HTR2C: variants seen among roughly 807,000 people sequenced by gnomAD.
HTR2C encodes 5-hydroxytryptamine (serotonin) receptor 2C, G protein-coupled.
HTR2C carries 5 observed loss-of-function variants against 21.0 expected under a neutral mutation model. The ratio of observed to expected loss-of-function variants is 0.24; its 90% confidence interval spans 0.12 to 0.50. The LOEUF is 0.50. Among genes scored for constraint, HTR2C ranks in the 20% least tolerant of loss-of-function variants. The pLI, the probability that HTR2C is intolerant of heterozygous loss-of-function variation, is 0.98. For missense variants in HTR2C, 271 were observed against 371.2 expected, an observed-to-expected ratio of 0.73 and a Z score of 2.22; for synonymous variants, 150 against 145.3, an observed-to-expected ratio of 1.03 and a Z score of -0.23.
intron 5 of HTR2C, among the ~76,000 whole-genome samples, chrX:114,876,387 C>T (rs1395319737): frequency 1.1e-5 from 1 of 95,124 alleles, no homozygotes; most frequent in Non-Finnish European, 2.1e-5. Flanking sequence ...ATTTGGATGC[C>T]GGTTATTTCT....
At chrX:114,674,481 C>T (rs181536689) in intron 2 of HTR2C, among the ~76,000 whole-genome samples, 111 of 111,373 alleles carry the variant, frequency 1.0e-3, no homozygotes, top group African/African-American at 3.1e-3. Context: ...AATGTGTCTT[C>T]TGGCGCCCCT....
chrX:114,638,842 A>G (rs1334266885), intron 2 of HTR2C, among the ~76,000 whole-genome samples: 1 of 107,581 alleles, frequency 9.3e-6, no homozygotes, highest in Non-Finnish European at 1.9e-5. Flanking sequence ...ATGTCCCTAC[A>G]AAGGACATGA....
chrX:114,863,980 A>C (rs1040932714), intron 5 of HTR2C, among the ~76,000 whole-genome samples: 1 of 110,856 alleles, frequency 9.0e-6, no homozygotes, highest in Non-Finnish European at 1.9e-5. Flanking sequence ...GTACATTTGC[A>C]TGGAATATCG....
intron 4 of HTR2C, among the ~76,000 whole-genome samples, chrX:114,833,799 T>A (rs2070753186): frequency 9.0e-6 from 1 of 111,212 alleles, no homozygotes; most frequent in African/African-American, 3.3e-5. Context: ...TGTTAGGGTG[T>A]CAATTTTGGA....
At chrX:114,829,480 T>C (rs1304824202) in intron 4 of HTR2C, among the ~76,000 whole-genome samples, 3 of 83,824 alleles carry the variant, frequency 3.6e-5, no homozygotes, top group African/African-American at 1.2e-4. Context: ...AAATTTTTAA[T>C]TTAATGATGT....
chrX:114,652,260 T>C (rs1307478604), intron 2 of HTR2C, among the ~76,000 whole-genome samples: 3 of 111,668 alleles, frequency 2.7e-5, no homozygotes, highest in Non-Finnish European at 5.7e-5. Context: ...ATTCCAAGTA[T>C]AAAATGTACT....
At chrX:114,879,233 A>G (rs2071161708) in intron 5 of HTR2C, among the ~76,000 whole-genome samples, 1 of 95,800 alleles carries the variant, frequency 1.0e-5, no homozygotes, top group African/African-American at 3.6e-5. Context: ...GGTTAAAAAT[A>G]TCTCTGTCTT....
chrX:114,749,097 A>G (rs2147365223), intron 4 of HTR2C, among the ~76,000 whole-genome samples: 1 of 100,297 alleles, frequency 1.0e-5, no homozygotes, highest in South Asian at 5.0e-4. Context: ...GAAGATATGT[A>G]GCTATCAAAT....
chrX:114,867,617 T>G (rs1327733416), intron 5 of HTR2C, among the ~76,000 whole-genome samples: 1 of 111,930 alleles, frequency 8.9e-6, no homozygotes, highest in Admixed American at 9.5e-5. Flanking sequence ...CAATGTTTTC[T>G]TGCAATAGTT....
chrX:114,752,332 CTT>C (rs2069768123), intron 4 of HTR2C, among the ~76,000 whole-genome samples: 1 of 111,471 alleles, frequency 9.0e-6, no homozygotes. Context: ...CTCAGTATCT[CTT>C]ATGCAATAAG....
At chrX:114,635,782 C>G (rs1457752931) in intron 2 of HTR2C, among the ~76,000 whole-genome samples, 3 of 111,770 alleles carry the variant, frequency 2.7e-5, no homozygotes, top group African/African-American at 9.8e-5. Flanking sequence ...GAATCACGTG[C>G]TTCTATGTCA....
chrX:114,780,954 C>T (rs782153409), intron 4 of HTR2C, among the ~76,000 whole-genome samples: 5 of 111,232 alleles, frequency 4.5e-5, no homozygotes, highest in Non-Finnish European at 7.5e-5. Context: ...AAGAAAAAAA[C>T]TATAAGATGA....
chrX:114,620,876 G>A (rs1929129580), intron 2 of HTR2C, among the ~76,000 whole-genome samples: 1 of 111,169 alleles, frequency 9.0e-6, no homozygotes, highest in Non-Finnish European at 1.9e-5. Flanking sequence ...TCTGAGTTCT[G>A]CATTTTTTTT....
At chrX:114,699,261 G>A (rs887866440) in intron 2 of HTR2C, among the ~76,000 whole-genome samples, 2 of 111,157 alleles carry the variant, frequency 1.8e-5, no homozygotes, top group Admixed American at 9.6e-5. Flanking sequence ...TTCCAATAAC[G>A]CTGTAGCCTA....
intron 2 of HTR2C, among the ~76,000 whole-genome samples, chrX:114,646,684 C>G (rs1930372402): frequency 8.9e-6 from 1 of 111,916 alleles, no homozygotes; most frequent in South Asian, 3.7e-4. Context: ...TTGATGCAAT[C>G]TCATTTGTCT....
At chrX:114,851,303 C>T (rs1371311216) in intron 5 of HTR2C, among the ~76,000 whole-genome samples, 4 of 111,742 alleles carry the variant, frequency 3.6e-5, no homozygotes, top group African/African-American at 1.3e-4. Flanking sequence ...AGTAATTCCT[C>T]AACACATTCC....
intron 5 of HTR2C, among the ~76,000 whole-genome samples, chrX:114,870,794 T>G (rs2147509968): frequency 8.9e-6 from 1 of 111,986 alleles, no homozygotes; most frequent in South Asian, 3.7e-4. Context: ...TGATTTTATT[T>G]ATTTGGATCA....
chrX:114,758,648 T>G (rs1219479577), intron 4 of HTR2C, among the ~76,000 whole-genome samples: 1 of 111,889 alleles, frequency 8.9e-6, no homozygotes, highest in Non-Finnish European at 1.9e-5. Flanking sequence ...AAGACTTCTA[T>G]GCCAGCCACC....
chrX:114,738,313 G>C (rs1192826220), intron 4 of HTR2C, among the ~76,000 whole-genome samples: 12 of 111,470 alleles, frequency 1.1e-4, no homozygotes, highest in African/African-American at 3.9e-4. Flanking sequence ...TTAGGTGGTG[G>C]ATATGTTAAT....
Sources: gnomAD v4.1 joint callset for allele counts (sites outside exome capture counted in the v4.1 genomes callset) on GRCh38, gnomAD v4.1.1 for gene constraint, MANE v1.5 for transcripts, NCBI Gene and HGNC (gene_info 2026-07-23, HGNC 2026-07-21) for gene names.